The following ARHGEF12 variants were observed in gnomAD, a reference collection of about 807,000 sequenced individuals.
ARHGEF12 encodes the protein KMT2A/ARHGEF12 fusion protein.
ARHGEF12 carries 66 observed loss-of-function variants against 211.2 expected under a neutral mutation model. That is an observed-to-expected ratio of 0.31 (90% CI 0.26 to 0.38). ARHGEF12 has a LOEUF of 0.38. Ranked by LOEUF, ARHGEF12 falls within the 10% of genes least tolerant of loss-of-function variation. The pLI is 1.00. For missense variants in ARHGEF12, 1,429 were observed against 1,869.5 expected (o/e 0.76, Z 4.34); for synonymous variants, 592 against 638.4 (o/e 0.93, Z 1.09).
intron 12 of ARHGEF12, 134 bp from the exon 13 acceptor site, chr11:120,439,995 T>A: frequency 3.0e-6 from 2 of 661,146 alleles, no homozygotes; most frequent in Non-Finnish European, 5.2e-6. Flanking sequence ...GAAAATAAAG[T>A]ACTTCAAAGG....
chr11:120,454,850 C>T (rs11217875), intron 22 of ARHGEF12, among the ~76,000 whole-genome samples: 1 of 151,962 alleles, frequency 6.6e-6, no homozygotes, highest in Non-Finnish European at 1.5e-5. Flanking sequence ...AAAAGGAAGC[C>T]CCAATGTCTT....
intron 22 of ARHGEF12, among the ~76,000 whole-genome samples, chr11:120,454,066 C>T (rs1025466480): frequency 2.8e-4 from 43 of 152,240 alleles, no homozygotes; most frequent in Admixed American, 1.2e-3. Flanking sequence ...CAGTATTGAT[C>T]GCTTGGAGTT....
intron 1 of ARHGEF12, among the ~76,000 whole-genome samples, chr11:120,364,513 G>C (rs1943369117): frequency 6.6e-6 from 1 of 152,150 alleles, no homozygotes; most frequent in African/African-American, 2.4e-5. Flanking sequence ...TTTATACAAA[G>C]AGATCACCCA....
chr11:120,347,138 T>C (rs1377834151), intron 1 of ARHGEF12, among the ~76,000 whole-genome samples: 1 of 54,252 alleles, frequency 1.8e-5, no homozygotes, highest in East Asian at 4.8e-4. Flanking sequence ...TTTCTTTCCT[T>C]CCTTCCTTCC....
intron 1 of ARHGEF12, among the ~76,000 whole-genome samples, chr11:120,398,820 TG>T (rs1420130458): frequency 6.6e-6 from 1 of 152,174 alleles, no homozygotes; most frequent in Admixed American, 6.5e-5. Context: ...GTAATGATAT[TG>T]GTTATGATCC....
At chr11:120,439,226 C>T (rs1228102251) in intron 12 of ARHGEF12, 1 of 152,132 alleles carries the variant, frequency 6.6e-6, no homozygotes, top group Non-Finnish European at 1.5e-5. Flanking sequence ...TGTGAGTTGA[C>T]AAATGGAGGA....
chr11:120,399,331 A>AAAAAAAAAAAAAAAAAAAAAAAAC (rs1944485288), intron 1 of ARHGEF12, among the ~76,000 whole-genome samples: 1 of 137,668 alleles, frequency 7.3e-6, no homozygotes, highest in African/African-American at 2.9e-5. Flanking sequence ...CAAAAAAAAA[A>AAAAAAAAAAAAAAAAAAAAAAAAC]AAAAAAAAAA....
intron 1 of ARHGEF12, among the ~76,000 whole-genome samples, chr11:120,399,347 A>AG (rs1412766867): frequency 8.7e-5 from 13 of 148,686 alleles, no homozygotes; most frequent in African/African-American, 2.5e-4. Context: ...AAAAAAAAAA[A>AG]AAAAGAAAAG....
chr11:120,401,147 G>A (rs1347236090), intron 1 of ARHGEF12, among the ~76,000 whole-genome samples: 1 of 152,162 alleles, frequency 6.6e-6, no homozygotes, highest in African/African-American at 2.4e-5. Flanking sequence ...TGTAGATAAC[G>A]TTCAGACTTT....
Position 120,475,458 on chromosome 11 carries a change from T to G in ARHGEF12, c.3228T>G (p.Phe1076Leu). 3.1e-6 allele frequency: 5 copies of G among 1,614,196 alleles called. No individual in the cohort carries two copies. The highest frequency in any genetic ancestry group is 2.5e-6 in the Non-Finnish European group (3 of 1,180,032). ...LASTADSKHTFSPVIKLSTVL... is the reference protein window; with the variant it reads ...LASTADSKHTLSPVIKLSTVL... ...CTACAGCTGATAGCAAACACACGTT[T>G]AGCCCTGTCATTAAGTTGAGTACAG... The change falls in exon 33 of 41, where the codon TTT (phenylalanine) becomes TTG (leucine). Residue 1076 changes from phenylalanine (F) to leucine (L), a missense_variant. By Grantham distance (22) the Phe-to-Leu change is conservative. Coordinates refer to ENST00000397843, the MANE Select transcript of ARHGEF12 (RefSeq NM_015313.3).
chr11:120,367,265 A>G (rs1943449281), intron 1 of ARHGEF12, among the ~76,000 whole-genome samples: 1 of 150,896 alleles, frequency 6.6e-6, no homozygotes, highest in Non-Finnish European at 1.5e-5. Context: ...TTGTTAACGG[A>G]ATTTTTAAGG....
chr11:120,370,088 A>G (rs1277842000), intron 1 of ARHGEF12, among the ~76,000 whole-genome samples: 2 of 152,218 alleles, frequency 1.3e-5, no homozygotes. Context: ...ATATTCAGCA[A>G]TGTGTTTATT....
intron 27 of ARHGEF12, chr11:120,462,831 T>C (rs955448666): frequency 6.6e-6 from 1 of 152,258 alleles, no homozygotes; most frequent in African/African-American, 2.4e-5. Flanking sequence ...TGGTTCCAAC[T>C]TCGACAGTTT....
chr11:120,357,793 C>G (rs978149432), intron 1 of ARHGEF12, among the ~76,000 whole-genome samples: 1 of 151,978 alleles, frequency 6.6e-6, no homozygotes, highest in Admixed American at 6.5e-5. Flanking sequence ...TGTCCTTGAA[C>G]TCCTGACCTC....
chr11:120,351,872 T>C (rs187083349), intron 1 of ARHGEF12, among the ~76,000 whole-genome samples: 3 of 152,118 alleles, frequency 2.0e-5, no homozygotes, highest in Non-Finnish European at 4.4e-5. Flanking sequence ...AATACTGTTG[T>C]CCCTGTTTTA....
rs1368140965 is a variant in ARHGEF12, at chr11:120,479,991, G to A, written c.3798G>A (p.Gln1266=). ...LGLLKQLLVQ[Q]LGLTEKSVQE... is the part of the protein sequence containing the mutation. The stretch of plus-strand genomic sequence containing the variant: ...TGTTGAAGCAGTTGCTGGTGCAACA[G>A]CTAGGTTTGACTGAGAAGAGCGTTC... Residue 1266 remains glutamine, a synonymous_variant, in exon 38 of 41, where the codon CAG becomes CAA. Transcript: ENST00000397843. 1 of 1,613,928 alleles carries A rather than the reference G, an allele frequency of 6.2e-7. No homozygotes were observed. The highest frequency in any genetic ancestry group is 8.5e-7 in the Non-Finnish European group (1 of 1,179,864).
At chr11:120,347,806 T>C (rs1028775745) in intron 1 of ARHGEF12, among the ~76,000 whole-genome samples, 2 of 152,126 alleles carry the variant, frequency 1.3e-5, no homozygotes, top group Non-Finnish European at 2.9e-5. Flanking sequence ...CAGGACATTC[T>C]TTTTTTGGGG....
intron 18 of ARHGEF12, 132 bp downstream of exon 18, chr11:120,447,217 G>C: frequency 9.9e-7 from 1 of 1,009,182 alleles, no homozygotes; most frequent in Non-Finnish European, 1.3e-6. Context: ...CATAGTACTT[G>C]AGAAACTGGA....
intron 1 of ARHGEF12, among the ~76,000 whole-genome samples, chr11:120,396,299 A>T (rs1457072887): frequency 2.0e-5 from 3 of 152,230 alleles, no homozygotes; most frequent in Non-Finnish European, 2.9e-5. Context: ...TTCAAATAGT[A>T]TACGTAGATT....
Sources: allele counts gnomAD v4.1 joint callset (sites outside exome capture counted in the v4.1 genomes callset), GRCh38; gene constraint gnomAD v4.1.1; transcripts MANE v1.5; gene names NCBI Gene and HGNC (gene_info 2026-07-23, HGNC 2026-07-21).